The following L3MBTL1 variants were observed in gnomAD, a reference collection of about 807,000 sequenced individuals.
L3MBTL1 encodes the protein L3MBTL histone methyl-lysine binding protein 1, also known as lethal(3)malignant brain tumor-like protein 1.
Under a neutral mutation model 105.3 loss-of-function variants are expected in L3MBTL1, and 75 were observed. That is an observed-to-expected ratio of 0.71 (90% CI 0.59 to 0.86). The LOEUF (loss-of-function observed/expected upper bound fraction) is 0.86, where lower values mean the gene tolerates loss of function less well. Ranked by LOEUF, L3MBTL1 falls within the 40% of genes least tolerant of loss-of-function variation. The pLI is 0.00. For missense variants in L3MBTL1, 1,069 were observed against 1,126.4 expected (o/e 0.95, Z 0.73); for synonymous variants, 452 against 436.2 (o/e 1.04, Z -0.45).
chr20:43,514,873 T>C (rs1348436284), intron 4 of L3MBTL1, 97 bp downstream of exon 4: 1 of 1,457,562 alleles, frequency 6.9e-7, no homozygotes, highest in African/African-American at 1.4e-5. Context: ...GGGGTGGTCC[T>C]GGGGTGGAGA....
rs2019918772 is a variant in L3MBTL1, at chr20:43,541,589, T to TATGAAAGTACTGTATGAAAAATTATTC, written c.*463_*464insGAAAGTACTGTATGAAAAATTATTCAT. Reference sequence around the variant, plus strand: ...TGTTATATGTATTTTTATTTACATGTATATTTTCACATGAAATACCAAATG... The same window carrying TATGAAAGTACTGTATGAAAAATTATTC: ...TGTTATATGTATTTTTATTTACATGTATGAAAGTACTGTATGAAAAATTATTCATATTTTCACATGAAATACCAAATG... On this transcript the variant is annotated 3_prime_UTR_variant, in exon 22 of 22. Transcript: ENST00000418998. 1 of 161,522 alleles carries TATGAAAGTACTGTATGAAAAATTATTC rather than the reference T, an allele frequency of 6.2e-6. No individual in the cohort carries two copies. The highest frequency in any genetic ancestry group is 1.3e-5 in the Non-Finnish European group (1 of 74,390). The allele number at this position is 161,522 out of a possible 1,614,324, so 10.0% of individuals were successfully genotyped here.
intron 7 of L3MBTL1, among the ~76,000 whole-genome samples, chr20:43,518,186 CTG>C (rs946907315): frequency 2.0e-5 from 3 of 148,682 alleles, no homozygotes; most frequent in Non-Finnish European, 4.4e-5. Context: ...AGGAAAGAAA[CTG>C]TATCAGTAGA....
intron 7 of L3MBTL1, 134 bp downstream of exon 7, chr20:43,516,311 AAG>A (rs555331231): frequency 1.6e-5 from 11 of 679,976 alleles, no homozygotes; most frequent in South Asian, 3.4e-5. Flanking sequence ...GTGTGTGTGA[AAG>A]AGAGAGAGAC....
chr20:43,535,878 C>G lies in L3MBTL1; in HGVS notation c.1867C>G (p.Pro623Ala), dbSNP rs773127753. ...PSSASPGGCP[P>A]LSYRSLPHTR... ...CTCTGCCTCCCCTGGGGGCTGTCCC[C>G]CTCTCAGCTATAGGAGCCTGCCCCA... is the stretch of plus-strand genomic sequence containing the variant. Residue 623 changes from proline to alanine, a missense_variant, in exon 17 of 22, where the codon CCT (proline) becomes GCT (alanine). Pro to Ala is a conservative substitution (Grantham distance 27). Coordinates refer to ENST00000418998, the MANE Select transcript of L3MBTL1 (RefSeq NM_001377303.1). The G allele has an allele frequency of 9.9e-6, 16 of 1,612,512 alleles. No homozygotes were observed.
Position 43,540,212 on chromosome 20 carries a change from C to G in L3MBTL1, c.2235C>G (p.Asp745Glu). The G allele has an allele frequency of 6.2e-7, 1 of 1,613,716 alleles. No individual in the cohort carries two copies. Among genetic ancestry groups the G allele is most frequent in the Non-Finnish European group, 8.5e-7 (1 of 1,180,028 alleles). ...TGTCAGCCCTGTCGGCCCACCCTGACCGCTCACTCTCAGTGTGCTGGGAGC... is the reference window on the plus strand; with the variant it reads ...TGTCAGCCCTGTCGGCCCACCCTGAGCGCTCACTCTCAGTGTGCTGGGAGC... ...LFMSALSAHP[D>E]RSLSVCWEQH... is the part of the protein sequence containing the mutation. Residue 745 changes from aspartate to glutamate, a missense_variant, in exon 20 of 22, where the codon GAC becomes GAG. Coordinates refer to ENST00000418998, the MANE Select transcript of L3MBTL1 (RefSeq NM_001377303.1).
exon 19 of L3MBTL1, chr20:43,548,546 G>A (rs1978781579): frequency 1.1e-5 from 2 of 190,356 alleles, no homozygotes; most frequent in Non-Finnish European, 2.2e-5. Context: ...GACTTTTATT[G>A]TATTACCAAA....
Position 43,513,871 on chromosome 20 carries a change from C to A in L3MBTL1, c.170C>A (p.Ala57Asp). Residue 57 changes from alanine (A) to aspartate (D), a missense_variant, in exon 3 of 22, where the codon GCC (alanine) becomes GAC (aspartate). Ala to Asp is a moderately radical substitution (Grantham distance 126). Transcript: ENST00000418998. ...GCCACCCTCGGCCTGCCCAGCAGTGCCCTGGATGTGTCTTGCTTTCCCCGG... is the reference window on the plus strand; with the variant it reads ...GCCACCCTCGGCCTGCCCAGCAGTGACCTGGATGTGTCTTGCTTTCCCCGG... ...SSATLGLPSS[A>D]LDVSCFPREP... 1 of 1,550,648 alleles carries A rather than the reference C, an allele frequency of 6.4e-7. No homozygotes were observed. The highest frequency in any genetic ancestry group is 1.4e-5 in the African/African-American group (1 of 73,190).
chr20:43,528,525 G>A, intron 7 of L3MBTL1, 132 bp from the exon 8 acceptor site: 2 of 679,496 alleles, frequency 2.9e-6, no homozygotes, highest in South Asian at 3.4e-5. Context: ...TGGTGGGTGG[G>A]ACCAGAGGGT....
chr20:43,547,936 TCTC>T (rs889399545), intron 18 of L3MBTL1, among the ~76,000 whole-genome samples: 1 of 151,424 alleles, frequency 6.6e-6, no homozygotes, highest in Non-Finnish European at 1.5e-5. Context: ...CTCCCTCCCT[TCTC>T]CTTTCTCCCG....
rs1326995695 is a variant in L3MBTL1, at chr20:43,514,077, G to A, written c.360+16G>A. The A allele has an allele frequency of 5.2e-6, 8 of 1,527,950 alleles. No individual in the cohort carries two copies. The African/African-American group carries it at 8.2e-5, about 16-fold the overall frequency. The allele number at this position is 1,527,950 out of a possible 1,614,324, so 94.6% of individuals were successfully genotyped here. A position where few individuals can be genotyped will look rare whatever the true frequency, so the allele number is the denominator to read the frequency against. ...CGGCCTGCGGGTCAGTGTCTGTGGG[G>A]ATTGGCTAAGCCTCGTAAACCGCAG... On this transcript the variant is annotated intron_variant, in intron 3 of 21. Transcript: ENST00000418998.
At chr20:43,535,963 C>A in intron 17 of L3MBTL1, 27 bp downstream of exon 17, 1 of 1,599,444 alleles carries the variant, frequency 6.3e-7, no homozygotes. Context: ...GGTGAGAGAC[C>A]CTCAGCGTTG....
chr20:43,540,213 C>T lies in L3MBTL1; in HGVS notation c.2236C>T (p.Arg746Cys), dbSNP rs144951279. 158 of 1,613,704 alleles carry T rather than the reference C, an allele frequency of 9.8e-5. No individual in the cohort carries two copies. Among genetic ancestry groups the T allele is most frequent in the Middle Eastern group, 3.3e-4 (2 of 6,060 alleles). ...FMSALSAHPD[R>C]SLSVCWEQHC... ...GTCAGCCCTGTCGGCCCACCCTGAC[C>T]GCTCACTCTCAGTGTGCTGGGAGCA... Residue 746 changes from arginine (R) to cysteine (C), a missense_variant, in exon 20 of 22, where the codon CGC (arginine) becomes TGC (cysteine). Coordinates refer to ENST00000418998, the MANE Select transcript of L3MBTL1 (RefSeq NM_001377303.1).
chr20:43,537,710 A>G (rs2019703270), intron 19 of L3MBTL1, among the ~76,000 whole-genome samples: 1 of 152,178 alleles, frequency 6.6e-6, no homozygotes, highest in Non-Finnish European at 1.5e-5. Flanking sequence ...GGGACGCCTC[A>G]GTTGAATGGA....
chr20:43,524,944 C>T (rs373807197), intron 7 of L3MBTL1, among the ~76,000 whole-genome samples: 4 of 151,942 alleles, frequency 2.6e-5, no homozygotes, highest in Non-Finnish European at 5.9e-5. Context: ...AAAATAAACA[C>T]GTTTTTTCAT....
chr20:43,512,968 A>T (rs1419090535), intron 1 of L3MBTL1, among the ~76,000 whole-genome samples: 1 of 152,240 alleles, frequency 6.6e-6, no homozygotes, highest in Non-Finnish European at 1.5e-5. Context: ...GGGCCATAAA[A>T]GAACATGATC....
chr20:43,508,413 G>A (rs2018043780), intron 1 of L3MBTL1, among the ~76,000 whole-genome samples: 1 of 152,204 alleles, frequency 6.6e-6, no homozygotes, highest in Non-Finnish European at 1.5e-5. Context: ...TGCGGCGAGG[G>A]GCGGGGCCGA....
rs953105192 is a variant in L3MBTL1, at chr20:43,534,467, CA to C, written c.1710+74del. The C allele has an allele frequency of 3.8e-5, 44 of 1,172,854 alleles. No individual in the cohort carries two copies. The African/African-American group carries it at 5.3e-4, about 14-fold the overall frequency. The allele number at this position is 1,172,854 out of a possible 1,614,324, so 72.7% of individuals were successfully genotyped here. On this transcript the variant is annotated intron_variant, in intron 15 of 21. Coordinates refer to ENST00000418998, the MANE Select transcript of L3MBTL1 (RefSeq NM_001377303.1). ...GGAATTCTGTAGACTGTTTAGAGGTCAGGGGCATCATGGCATGAGAGAGATG... is the reference window on the plus strand; with the variant it reads ...GGAATTCTGTAGACTGTTTAGAGGTCGGGGCATCATGGCATGAGAGAGATG...
At position 43,528,695 on chromosome 20, in the gene L3MBTL1, T is replaced by C. The variant is rs2019162447; in HGVS notation, c.901T>C (p.Tyr301His). ...EKKECWSWES[Y>H]LEEQKAITAP... ...GAAGGAATGCTGGTCGTGGGAGTCCTACCTAGAGGAGCAGAAGGCCATTAC... is the reference window on the plus strand; with the variant it reads ...GAAGGAATGCTGGTCGTGGGAGTCCCACCTAGAGGAGCAGAAGGCCATTAC... Residue 301 changes from tyrosine (Y) to histidine (H), a missense_variant, in exon 8 of 22, where the codon TAC (tyrosine) becomes CAC (histidine). Coordinates refer to ENST00000418998, the MANE Select transcript of L3MBTL1 (RefSeq NM_001377303.1). The C allele has an allele frequency of 6.2e-7, 1 of 1,614,168 alleles. No homozygotes were observed. The highest frequency in any genetic ancestry group is 8.5e-7 in the Non-Finnish European group (1 of 1,179,994).
Position 43,536,306 on chromosome 20 carries a change from A to G in L3MBTL1, c.2123+12A>G. On this transcript the variant is annotated intron_variant, in intron 18 of 21. Coordinates refer to ENST00000418998, the MANE Select transcript of L3MBTL1 (RefSeq NM_001377303.1). ...CGCCATCACGGCCGGTATGGAGGCCAGGGAATCAGGGCCCGGGCTTCCTGG... is the reference window on the plus strand; with the variant it reads ...CGCCATCACGGCCGGTATGGAGGCCGGGGAATCAGGGCCCGGGCTTCCTGG... 6.2e-7 allele frequency: 1 copy of G among 1,612,272 alleles called. No individual in the cohort carries two copies. The highest frequency in any genetic ancestry group is 8.5e-7 in the Non-Finnish European group (1 of 1,179,118).
Sources: gnomAD v4.1 joint callset for allele counts (sites outside exome capture counted in the v4.1 genomes callset) on GRCh38, gnomAD v4.1.1 for gene constraint, MANE v1.5 for transcripts, NCBI Gene and HGNC (gene_info 2026-07-23, HGNC 2026-07-21) for gene names.